UBE4A: variants seen among roughly 807,000 people sequenced by gnomAD.
UBE4A encodes the protein ubiquitin conjugation factor E4 A.
In UBE4A, 48 loss-of-function variants were observed where a neutral mutation model predicts 117.9. That is an observed-to-expected ratio of 0.41 (90% CI 0.32 to 0.52). UBE4A has a LOEUF of 0.52. Ranked by LOEUF, UBE4A falls within the 20% of genes least tolerant of loss-of-function variation. The probability of loss-of-function intolerance (pLI) is 0.33; values close to 1 mark genes in which losing one functional copy is unlikely to be tolerated. For missense variants in UBE4A, 1,067 were observed against 1,296.3 expected (o/e 0.82, Z 2.72); for synonymous variants, 407 against 450.0 (o/e 0.90, Z 1.21).
At chr11:118,375,310 A>C in intron 9 of UBE4A, 81 bp downstream of exon 9, 1 of 1,295,716 alleles carries the variant, frequency 7.7e-7, no homozygotes, top group Non-Finnish European at 1.0e-6. Context: ...ATCCTTTTTC[A>C]CAGAGTTCCT....
At chr11:118,386,654 C>A in intron 16 of UBE4A, 42 bp downstream of exon 16, 1 of 1,480,982 alleles carries the variant, frequency 6.8e-7, no homozygotes, top group Non-Finnish European at 8.9e-7. Context: ...AAAGTAATGG[C>A]CAAGATCAGC....
Position 118,376,610 on chromosome 11 carries a change from A to G in UBE4A, c.1487A>G (p.Gln496Arg). The change falls in exon 10 of 20, where the codon CAG becomes CGG. Residue 496 changes from glutamine to arginine, a missense_variant. This residue lies in a region of UBE4A where 1,001 missense variants were observed against 1,184.0 expected (regional missense o/e 0.85). Coordinates refer to ENST00000252108, the MANE Select transcript of UBE4A (RefSeq NM_001204077.2). The part of the protein sequence containing the change: ...DKETCLIPAV[Q>R]EPKFPQNYNL... ...GAAACCTGTTTGATCCCAGCTGTGC[A>G]GGAGCCGAAGTTTCCACAGAACTAC... 6.2e-7 allele frequency: 1 copy of G among 1,613,936 alleles called. No individual in the cohort carries two copies. Among genetic ancestry groups the G allele is most frequent in the Non-Finnish European group, 8.5e-7 (1 of 1,179,976 alleles).
At chr11:118,373,001 A>AG (rs1283172385) in intron 6 of UBE4A, 85 bp from the exon 7 acceptor site, 2 of 1,213,410 alleles carry the variant, frequency 1.6e-6, no homozygotes, top group African/African-American at 1.5e-5. Flanking sequence ...AAAAAAAAAA[A>AG]GAATTATTGA....
chr11:118,380,134 C>CGTGTGTGTGTGTGTGCGT (rs1948689987), intron 11 of UBE4A, among the ~76,000 whole-genome samples: 1 of 136,938 alleles, frequency 7.3e-6, no homozygotes, highest in Non-Finnish European at 1.6e-5. Context: ...TGTGTGTGTG[C>CGTGTGTGTGTGTGTGCGT]GTGTGTGTGT....
intron 1 of UBE4A, among the ~76,000 whole-genome samples, chr11:118,361,006 GTAT>G (rs1245600057): frequency 2.4e-5 from 3 of 126,672 alleles, no homozygotes; most frequent in Non-Finnish European, 3.3e-5. Context: ...GTGTGTGTGT[GTAT>G]TTTTTTTTTT....
chr11:118,393,854 C>T (rs1377980119), intron 19 of UBE4A, among the ~76,000 whole-genome samples: 4 of 152,156 alleles, frequency 2.6e-5, no homozygotes, highest in South Asian at 4.1e-4. Context: ...CCTCAGCCTC[C>T]CAAAGTGCTG....
At position 118,368,701 on chromosome 11, in the gene UBE4A, T is replaced by C; in HGVS notation, c.192T>C (p.Ser64=). 2 of 1,614,220 alleles carry C rather than the reference T, an allele frequency of 1.2e-6. No homozygotes were observed. Among genetic ancestry groups the C allele is most frequent in the Non-Finnish European group, 8.5e-7 (1 of 1,180,038 alleles). The change falls in exon 3 of 20, where the codon TCT becomes TCC. Residue 64 remains serine, a synonymous_variant. Coordinates refer to ENST00000252108, the MANE Select transcript of UBE4A (RefSeq NM_001204077.2). The part of the protein sequence containing the change: ...VSESLDEFDY[S]VAEISRSFRS... ...AGAGCCTGGATGAATTCGATTACTC[T>C]GTGGCTGAGATTAGCCGCTCATTCC...
At position 118,396,418 on chromosome 11, in the gene UBE4A, A is replaced by C. The variant is rs527317363; in HGVS notation, c.3179A>C (p.Gln1060Pro). The C allele has an allele frequency of 6.2e-7, 1 of 1,613,972 alleles. No homozygotes were observed. Among genetic ancestry groups the C allele is most frequent in the Admixed American group, 1.7e-5 (1 of 60,004 alleles). The change falls in exon 20 of 20, where the codon CAA becomes CCA. Residue 1060 changes from glutamine (Q) to proline (P), a missense_variant. This residue lies in a region of UBE4A where 32 missense variants were observed against 34.5 expected (regional missense o/e 0.93). Coordinates refer to ENST00000252108, the MANE Select transcript of UBE4A (RefSeq NM_001204077.2). ...KIQRWLAERKQQKEQLE is the reference protein window; with the variant it reads ...KIQRWLAERKPQKEQLE ...CAACGGTGGCTTGCAGAGAGGAAAC[A>C]ACAAAAGGAGCAACTTGAATAGATA...
At chr11:118,390,629 CA>C in intron 17 of UBE4A, 27 bp from the exon 18 acceptor site, 1 of 1,475,488 alleles carries the variant, frequency 6.8e-7, no homozygotes, top group Non-Finnish European at 9.0e-7. Context: ...CTCTGGTGAT[CA>C]GTTTTTTTCT....
chr11:118,364,477 A>G (rs935552830), intron 1 of UBE4A, among the ~76,000 whole-genome samples: 1 of 152,114 alleles, frequency 6.6e-6, no homozygotes, highest in African/African-American at 2.4e-5. Context: ...AACCCACAAC[A>G]TACAGCTGAA....
chr11:118,388,996 A>T (rs1555127733), intron 16 of UBE4A, among the ~76,000 whole-genome samples: 1 of 152,090 alleles, frequency 6.6e-6, no homozygotes, highest in African/African-American at 2.4e-5. Flanking sequence ...TTTTTAAAAA[A>T]TGATGTAAAA....
At chr11:118,388,743 C>T (rs781875967) in intron 16 of UBE4A, among the ~76,000 whole-genome samples, 11 of 151,620 alleles carry the variant, frequency 7.3e-5, no homozygotes, top group Non-Finnish European at 1.5e-4. Flanking sequence ...TAAAAATGTC[C>T]ACCAGTAAAG....
intron 1 of UBE4A, among the ~76,000 whole-genome samples, chr11:118,360,202 G>A (rs1948509821): frequency 6.6e-6 from 1 of 152,160 alleles, no homozygotes; most frequent in African/African-American, 2.4e-5. Flanking sequence ...ATGTTTCCTT[G>A]GGTTTAGAAG....
intron 19 of UBE4A, 25 bp downstream of exon 19, chr11:118,392,920 C>G (rs1948832940): frequency 6.2e-7 from 1 of 1,609,502 alleles, no homozygotes. Flanking sequence ...AAAACAGACT[C>G]AAGAGCATAT....
intron 18 of UBE4A, among the ~76,000 whole-genome samples, chr11:118,392,158 C>T (rs548077403): frequency 2.6e-5 from 4 of 152,294 alleles, no homozygotes; most frequent in Admixed American, 6.5e-5. Flanking sequence ...AGAAAACCTT[C>T]CTTATTGCTG....
At chr11:118,379,404 C>G in intron 10 of UBE4A, 42 bp from the exon 11 acceptor site, 1 of 1,569,636 alleles carries the variant, frequency 6.4e-7, no homozygotes, top group Middle Eastern at 2.2e-4. Context: ...TTGTGACTTT[C>G]TGTTTTCCCT....
At chr11:118,379,913 G>A (rs1305361233) in intron 11 of UBE4A, among the ~76,000 whole-genome samples, 163 bp downstream of exon 11, 1 of 152,136 alleles carries the variant, frequency 6.6e-6, no homozygotes, top group Non-Finnish European at 1.5e-5. Context: ...AAGTATTAGG[G>A]GACTAACAGT....
chr11:118,397,444 T>C lies in UBE4A; in HGVS notation c.*1004T>C, dbSNP rs45527137. The C allele has an allele frequency of 1.2e-4, 19 of 152,232 alleles. No individual in the cohort carries two copies. The highest frequency in any genetic ancestry group is 1.9e-4 in the Non-Finnish European group (13 of 68,046). 9.4% of individuals were successfully genotyped at this position (152,232 alleles called of 1,614,324 possible). On this transcript the variant is annotated 3_prime_UTR_variant, in exon 20 of 20. Coordinates refer to ENST00000252108, the MANE Select transcript of UBE4A (RefSeq NM_001204077.2). Reference sequence around the variant, plus strand: ...GATTATAAAATGTATATAGTTAATATTTGTTTGAGCTTGTGACCTGACTTC... The same window carrying C: ...GATTATAAAATGTATATAGTTAATACTTGTTTGAGCTTGTGACCTGACTTC...
chr11:118,378,617 A>G (rs1181788239), intron 10 of UBE4A: 2 of 152,270 alleles, frequency 1.3e-5, no homozygotes, highest in African/African-American at 4.8e-5. Context: ...AAAACTACTC[A>G]GTCAACACAT....
Sources: gnomAD v4.1 joint callset for allele counts (sites outside exome capture counted in the v4.1 genomes callset) on GRCh38, gnomAD v4.1.1 for gene constraint, gnomAD v4.1.1 regional missense constraint, MANE v1.5 for transcripts, NCBI Gene and HGNC (gene_info 2026-07-23, HGNC 2026-07-21) for gene names.